Variants in GRID1 observed in about 807,000 individuals in gnomAD.
GRID1 encodes glutamate ionotropic receptor delta type subunit 1.
A neutral mutation model predicts 98.0 loss-of-function variants in GRID1; 28 were observed. The ratio of observed to expected loss-of-function variants is 0.29; its 90% confidence interval spans 0.21 to 0.39. The LOEUF (loss-of-function observed/expected upper bound fraction) is 0.39, where lower values mean the gene tolerates loss of function less well. GRID1 is among the 10% of genes least tolerant of loss of function. GRID1 has a pLI of 1.00. For synonymous variants in GRID1, 553 were observed against 538.5 expected (o/e 1.03, Z -0.37); for missense variants, 1,111 against 1,340.5 (o/e 0.83, Z 2.67).
rs150992352 is a variant in GRID1 at position 86,296,567 on chromosome 10, C to T, written c.235+67374G>A. 1.2e-3 allele frequency among the ~76,000 whole-genome samples: 180 copies of T among 152,124 alleles called. 1 individual carries two copies. In the Middle Eastern group the frequency reaches 0.024, roughly 20 times the overall value. On this transcript the variant is annotated intron_variant, in intron 2 of 15. Coordinates refer to ENST00000327946, the MANE Select transcript of GRID1 (RefSeq NM_017551.3). ...CAGCCTGGCCAACATAGTGAAACCC[C>T]GTCTCTACTAAAAATACAAAAATTA...
chr10:86,356,032 A>G (rs1388403698), intron 2 of GRID1, among the ~76,000 whole-genome samples: 1 of 152,174 alleles, frequency 6.6e-6, no homozygotes, highest in East Asian at 1.9e-4. Context: ...AGAGAACCCA[A>G]TCTTTACCTC....
chr10:85,963,561 C>T (rs892248657), intron 4 of GRID1, among the ~76,000 whole-genome samples: 5 of 152,170 alleles, frequency 3.3e-5, no homozygotes, highest in African/African-American at 1.2e-4. Context: ...TGATGATCTC[C>T]CCATCCTCCA....
At chr10:85,707,566 G>A (rs1313617781) in intron 12 of GRID1, among the ~76,000 whole-genome samples, 2 of 152,118 alleles carry the variant, frequency 1.3e-5, no homozygotes, top group East Asian at 3.9e-4. Flanking sequence ...CATTCTTCAG[G>A]GATCTAGAAC....
chr10:86,336,218 T>C (rs1848218932), intron 2 of GRID1, among the ~76,000 whole-genome samples: 1 of 152,202 alleles, frequency 6.6e-6, no homozygotes, highest in Non-Finnish European at 1.5e-5. Flanking sequence ...TTTCACAGTG[T>C]TTGCAATAAA....
intron 12 of GRID1, among the ~76,000 whole-genome samples, chr10:85,714,568 T>C (rs1590201586): frequency 6.6e-6 from 1 of 151,866 alleles, no homozygotes; most frequent in African/African-American, 2.4e-5. Context: ...AAAATAAACA[T>C]ACAAAAATCA....
intron 4 of GRID1, among the ~76,000 whole-genome samples, chr10:85,947,411 C>CT (rs770106805): frequency 1.3e-5 from 2 of 152,186 alleles, no homozygotes; most frequent in Non-Finnish European, 2.9e-5. Context: ...CCATGGATAA[C>CT]TTTCGTATCT....
chr10:85,792,959 CT>C (rs1842494461), intron 8 of GRID1, among the ~76,000 whole-genome samples: 2 of 152,336 alleles, frequency 1.3e-5, no homozygotes, highest in South Asian at 4.1e-4. Flanking sequence ...CAGATGCCTA[CT>C]CCGATGTCAT....
chr10:86,131,411 T>G (rs1844835625), intron 4 of GRID1, among the ~76,000 whole-genome samples: 1 of 152,184 alleles, frequency 6.6e-6, no homozygotes, highest in Admixed American at 6.5e-5. Context: ...CCAAAGGGGC[T>G]ACCTGCTAAT....
intron 12 of GRID1, chr10:85,708,697 C>T (rs193111888): frequency 6.6e-6 from 1 of 152,208 alleles, no homozygotes; most frequent in Non-Finnish European, 1.5e-5. Context: ...AAGCATGTGC[C>T]CAATTCAGTG....
chr10:85,865,912 CATATATATATAT>C lies in GRID1; in HGVS notation c.951+3086_951+3097del, dbSNP rs375258556. 2.0e-4 allele frequency among the ~76,000 whole-genome samples: 17 copies of C among 83,108 alleles called. 1 individual carries two copies. Among genetic ancestry groups the C allele is most frequent in the African/African-American group, 6.1e-4 (11 of 18,010 alleles). The allele number at this position is 83,108 out of a possible 152,430, so 54.5% of individuals were successfully genotyped here. A position where few individuals can be genotyped will look rare whatever the true frequency, so the allele number is the denominator to read the frequency against. ...TTTAATAAAGTGTTTTACATATATA[CATATATATATAT>C]ATATATATATATATATATACACATA... On this transcript the variant is annotated intron_variant, in intron 6 of 15. Coordinates refer to ENST00000327946, the MANE Select transcript of GRID1 (RefSeq NM_017551.3).
intron 13 of GRID1, among the ~76,000 whole-genome samples, chr10:85,632,755 C>T (rs372237472): frequency 8.5e-5 from 13 of 152,170 alleles, no homozygotes; most frequent in Admixed American, 4.6e-4. Flanking sequence ...GTGTGGGATA[C>T]ATGTGCAAGA....
intron 4 of GRID1, among the ~76,000 whole-genome samples, chr10:86,132,069 G>A (rs566245112): frequency 6.6e-6 from 1 of 152,282 alleles, no homozygotes; most frequent in East Asian, 1.9e-4. Context: ...TGTTCAGGAG[G>A]CAGCAGGCTC....
intron 4 of GRID1, among the ~76,000 whole-genome samples, chr10:86,108,992 C>T (rs1844435769): frequency 6.6e-6 from 1 of 152,190 alleles, no homozygotes; most frequent in Non-Finnish European, 1.5e-5. Flanking sequence ...ACTGAGTTCT[C>T]ACTGCAGCCC....
At chr10:86,072,291 A>G (rs1298283721) in intron 4 of GRID1, among the ~76,000 whole-genome samples, 1 of 152,178 alleles carries the variant, frequency 6.6e-6, no homozygotes, top group African/African-American at 2.4e-5. Flanking sequence ...AAAATGGTAA[A>G]CTAAGATTTA....
At chr10:86,363,432 G>T (rs1342873091) in intron 2 of GRID1, among the ~76,000 whole-genome samples, 1 of 152,234 alleles carries the variant, frequency 6.6e-6, no homozygotes, top group Non-Finnish European at 1.5e-5. Context: ...AGGCTCTGGG[G>T]GCCGCGGGGC....
At chr10:85,603,677 C>T (rs1732439024) in intron 15 of GRID1, among the ~76,000 whole-genome samples, 1 of 152,174 alleles carries the variant, frequency 6.6e-6, no homozygotes, top group African/African-American at 2.4e-5. Flanking sequence ...ACCTGGTGCT[C>T]AGCAGAGGAG....
intron 14 of GRID1, among the ~76,000 whole-genome samples, chr10:85,614,606 C>A (rs1842768058): frequency 6.6e-6 from 1 of 151,928 alleles, no homozygotes; most frequent in Admixed American, 6.5e-5. Context: ...ACTAAAACCC[C>A]ATGTGAAAGT....
Position 86,206,582 on chromosome 10 carries a change from G to A in GRID1, c.302C>T (p.Ala101Val). 1 of 1,614,080 alleles carries A rather than the reference G, an allele frequency of 6.2e-7. No individual in the cohort carries two copies. The highest frequency in any genetic ancestry group is 8.5e-7 in the Non-Finnish European group (1 of 1,179,914). ...VTSTGCASAN[A>V]LQSLTDAMHI... is the part of the protein sequence containing the mutation. Reference sequence around the variant, plus strand: ...CATGGCATCCGTGAGGGACTGCAGGGCATTGGCAGATGCACAGCCAGTGGA... The same window carrying A: ...CATGGCATCCGTGAGGGACTGCAGGACATTGGCAGATGCACAGCCAGTGGA... The change falls in exon 3 of 16, where the codon GCC becomes GTC. Residue 101 changes from alanine to valine, a missense_variant. Coordinates refer to ENST00000327946, the MANE Select transcript of GRID1 (RefSeq NM_017551.3). The surrounding 1 kb of genome is among the most constrained non-coding windows in gnomAD (Gnocchi z 4.1).
At chr10:86,256,999 G>A (rs1330017686) in intron 2 of GRID1, among the ~76,000 whole-genome samples, 3 of 152,224 alleles carry the variant, frequency 2.0e-5, no homozygotes, top group African/African-American at 7.2e-5. Flanking sequence ...CAGGCCCAGG[G>A]ATAGTGCATC....
Sources: gnomAD v4.1 joint callset for allele counts (sites outside exome capture counted in the v4.1 genomes callset) on GRCh38, gnomAD v4.1.1 for gene constraint, Gnocchi (gnomAD v3.1) non-coding constraint, MANE v1.5 for transcripts, NCBI Gene and HGNC (gene_info 2026-07-23, HGNC 2026-07-21) for gene names.